Variants in DDX11 observed in about 807,000 individuals in gnomAD.
DDX11 encodes the protein DEAD/H-box helicase 11, also known as ATP-dependent DNA helicase DDX11.
Under a neutral mutation model 125.2 loss-of-function variants are expected in DDX11, and 72 were observed. The observed-to-expected ratio is 0.58, with a 90% confidence interval of 0.48 to 0.70. The LOEUF is 0.70. Ranked by LOEUF, DDX11 falls within the 30% of genes least tolerant of loss-of-function variation. The pLI, the probability that DDX11 is intolerant of heterozygous loss-of-function variation, is 0.00. For synonymous variants in DDX11, 347 were observed against 452.6 expected (o/e 0.77, Z 2.96); for missense variants, 883 against 1,165.0 (o/e 0.76, Z 3.52).
chr12:31,102,914 G>T (rs763739600), intron 23 of DDX11, 22 bp from the exon 24 acceptor site: 3 of 1,613,340 alleles, frequency 1.9e-6, no homozygotes, highest in Non-Finnish European at 2.5e-6. Context: ...CCACCTGCTG[G>T]GCTCTTGTCT....
intron 1 of DDX11, among the ~76,000 whole-genome samples, chr12:31,074,525 C>T (rs944451380): frequency 2.0e-5 from 3 of 152,204 alleles, no homozygotes; most frequent in Non-Finnish European, 4.4e-5. Flanking sequence ...GGAATGAGTG[C>T]ACTTGACCAG....
chr12:31,082,437 G>A (rs4031323), intron 2 of DDX11, among the ~76,000 whole-genome samples: 79,974 of 150,544 alleles, frequency 0.53, 22,387 homozygotes, highest in East Asian at 0.81. Context: ...AGCTGCAGGT[G>A]GGGGAGACAG....
chr12:31,081,021 A>G (rs1304707632), intron 2 of DDX11, among the ~76,000 whole-genome samples: 2 of 152,172 alleles, frequency 1.3e-5, no homozygotes, highest in African/African-American at 2.4e-5. Flanking sequence ...CTGAGATTAC[A>G]GGCATGAGCC....
chr12:31,085,057 T>G lies in DDX11; in HGVS notation c.569T>G (p.Leu190Arg). The G allele has an allele frequency of 6.2e-7, 1 of 1,607,864 alleles. No individual in the cohort carries two copies. Among genetic ancestry groups the G allele is most frequent in the Non-Finnish European group, 8.5e-7 (1 of 1,176,962 alleles). The change falls in exon 5 of 27, where the codon CTG becomes CGG. Residue 190 changes from leucine (L) to arginine (R), a missense_variant. By Grantham distance (102) the Leu-to-Arg change is moderately radical. This residue lies in a region of DDX11 where 283 missense variants were observed against 359.6 expected (regional missense o/e 0.79). Coordinates refer to ENST00000542838, the MANE Select transcript of DDX11 (RefSeq NM_030653.4). Reference protein sequence around the residue: ...TGPEAERLEQLESGEEELVLA... With the variant: ...TGPEAERLEQRESGEEELVLA... ...CCGGAGGCTGAGCGGCTGGAGCAGC[T>G]GGAGTCTGGGGAGGAGGAGCTGGTC...
intron 2 of DDX11, among the ~76,000 whole-genome samples, chr12:31,080,696 T>A (rs1941742568): frequency 6.6e-6 from 1 of 152,136 alleles, no homozygotes; most frequent in African/African-American, 2.4e-5. Context: ...TCCATATTAC[T>A]TTGGTTAATT....
chr12:31,088,716 A>G (rs1943614814), intron 6 of DDX11, among the ~76,000 whole-genome samples: 1 of 152,126 alleles, frequency 6.6e-6, no homozygotes, highest in African/African-American at 2.4e-5. Context: ...ACCCTCCCCA[A>G]GTGGGGACCC....
intron 1 of DDX11, among the ~76,000 whole-genome samples, chr12:31,076,550 C>T (rs978221590): frequency 3.3e-5 from 5 of 152,162 alleles, no homozygotes; most frequent in African/African-American, 9.7e-5. Context: ...CCCTGGTTTT[C>T]CACTTTTTAG....
rs780088782 is a variant in DDX11, at chr12:31,084,015, A to C, written c.347A>C (p.Gln116Pro). Residue 116 changes from glutamine to proline, a missense_variant, in exon 3 of 27, where the codon CAG becomes CCG. Transcript: ENST00000542838. ...RPAGEPAWVT[Q>P]FVQKKEERDL... ...GCTGGAGAACCGGCCTGGGTTACTC[A>C]GTTTGTGCAGAAGAAAGAAGAGAGG... 2.5e-6 allele frequency: 4 copies of C among 1,613,818 alleles called. No individual in the cohort carries two copies. Among genetic ancestry groups the C allele is most frequent in the African/African-American group, 2.7e-5 (2 of 74,924 alleles).
chr12:31,103,171 G>C, intron 24 of DDX11, 146 bp from the exon 25 acceptor site: 1 of 1,332,710 alleles, frequency 7.5e-7, no homozygotes, highest in Non-Finnish European at 1.1e-6. Context: ...ACACCCTCTT[G>C]ATCTTCCCTG....
chr12:31,083,187 GCCA>G (rs915627891), intron 2 of DDX11, among the ~76,000 whole-genome samples: 3 of 152,070 alleles, frequency 2.0e-5, no homozygotes, highest in African/African-American at 7.2e-5. Flanking sequence ...TATGGTCCCA[GCCA>G]CTTGGGAGGC....
chr12:31,099,080 C>CTTTTGT (rs1467965765), intron 18 of DDX11, among the ~76,000 whole-genome samples: 1 of 81,328 alleles, frequency 1.2e-5, no homozygotes, highest in South Asian at 4.3e-4. Flanking sequence ...TTCTTTCTTT[C>CTTTTGT]TTTCTTTTTT....
At position 31,093,230 on chromosome 12, in the gene DDX11, T is replaced by C; in HGVS notation, c.1290-15T>C. ...TCAGGGCACCACCACTTAATGTCCG[T>C]TGGCTTCTTCTCAGGAAGCGTTTGA... is the stretch of plus-strand genomic sequence containing the variant. On this transcript the variant is annotated splice_polypyrimidine_tract_variant and intron_variant, in intron 11 of 26. Coordinates refer to ENST00000542838, the MANE Select transcript of DDX11 (RefSeq NM_030653.4). The C allele has an allele frequency of 1.2e-6, 2 of 1,610,172 alleles. No homozygotes were observed. The highest frequency in any genetic ancestry group is 1.7e-6 in the Non-Finnish European group (2 of 1,177,904).
rs770169754 is a variant in DDX11 at position 31,103,031 on chromosome 12, C to G, written c.2457+11C>G. ...TTGGATCAAACCCTCGTGAGTGACC[C>G]CAGTGTCACAGAGGGTGACAGGAGA... On this transcript the variant is annotated intron_variant, in intron 24 of 26. Transcript: ENST00000542838. The G allele has an allele frequency of 1.9e-6, 3 of 1,612,984 alleles. No individual in the cohort carries two copies. In the South Asian group the frequency reaches 3.3e-5, roughly 18 times the overall value.
At chr12:31,087,027 G>A (rs1592657165) in intron 5 of DDX11, among the ~76,000 whole-genome samples, 2 of 147,136 alleles carry the variant, frequency 1.4e-5, no homozygotes, top group African/African-American at 5.2e-5. Flanking sequence ...TTTATGTGAT[G>A]TTGCCATAGG....
At chr12:31,087,784 C>T in intron 5 of DDX11, 154 bp from the exon 6 acceptor site, 1 of 1,369,186 alleles carries the variant, frequency 7.3e-7, no homozygotes. Context: ...TGGCATTTGC[C>T]TGGGGGAGTT....
intron 20 of DDX11, 170 bp from the exon 21 acceptor site, chr12:31,101,663 G>A: frequency 2.6e-6 from 2 of 770,446 alleles, no homozygotes; most frequent in Admixed American, 4.3e-5. Context: ...GGTGGGAGGT[G>A]GCACCTACCA....
intron 19 of DDX11, 65 bp from the exon 20 acceptor site, chr12:31,100,962 C>G: frequency 1.4e-6 from 2 of 1,421,814 alleles, no homozygotes; most frequent in Admixed American, 1.7e-5. Flanking sequence ...GGGAAATGCC[C>G]TCTCTGCAGT....
intron 18 of DDX11, among the ~76,000 whole-genome samples, chr12:31,098,522 A>G (rs1945740839): frequency 1.3e-5 from 2 of 152,098 alleles, no homozygotes; most frequent in African/African-American, 2.4e-5. Flanking sequence ...ACACAGATAT[A>G]TAGCATTTCA....
At chr12:31,090,803 C>T (rs1944075176) in intron 9 of DDX11, among the ~76,000 whole-genome samples, 1 of 152,182 alleles carries the variant, frequency 6.6e-6, no homozygotes, top group African/African-American at 2.4e-5. Flanking sequence ...TAACCATTTG[C>T]ACAGCAGCTA....
Sources: allele counts gnomAD v4.1 joint callset (sites outside exome capture counted in the v4.1 genomes callset), GRCh38; gene constraint gnomAD v4.1.1; regional missense constraint gnomAD v4.1.1; transcripts MANE v1.5; gene names NCBI Gene and HGNC (gene_info 2026-07-23, HGNC 2026-07-21).